The following JPH3 variants were observed in gnomAD, a reference collection of about 807,000 sequenced individuals.
JPH3 encodes junctophilin-3.
A neutral mutation model predicts 59.6 loss-of-function variants in JPH3; 11 were observed. The observed-to-expected ratio is 0.18, with a 90% CI of 0.12 to 0.31. The LOEUF (loss-of-function observed/expected upper bound fraction) is 0.31, where lower values mean the gene tolerates loss of function less well. Among genes scored for constraint, JPH3 ranks in the 10% least tolerant of loss-of-function variants. The pLI is 1.00. For missense variants in JPH3, 1,202 were observed against 1,105.7 expected, an observed-to-expected ratio of 1.09 and a Z score of -1.24; for synonymous variants, 673 against 483.6, an observed-to-expected ratio of 1.39 and a Z score of -5.14.
At chr16:87,649,930 C>G (rs116742216) in intron 2 of JPH3, among the ~76,000 whole-genome samples, 1 of 152,198 alleles carries the variant, frequency 6.6e-6, no homozygotes, top group Non-Finnish European at 1.5e-5. Context: ...TCTGCTGGGA[C>G]CCCCTCTCTG....
At chr16:87,657,307 G>A (rs2032535816) in intron 2 of JPH3, among the ~76,000 whole-genome samples, 1 of 152,236 alleles carries the variant, frequency 6.6e-6, no homozygotes, top group Non-Finnish European at 1.5e-5. Flanking sequence ...AAGGAAGCCT[G>A]TCACAAAAGG....
chr16:87,654,390 C>G (rs1036632241), intron 2 of JPH3: 2 of 152,216 alleles, frequency 1.3e-5, no homozygotes, highest in Admixed American at 1.3e-4. Flanking sequence ...TTCCCTGAAG[C>G]TAGGTCAGCT....
chr16:87,622,452 G>C (rs2031218996), intron 1 of JPH3, among the ~76,000 whole-genome samples: 1 of 151,684 alleles, frequency 6.6e-6, no homozygotes, highest in Non-Finnish European at 1.5e-5. Flanking sequence ...TGACTACCAG[G>C]TGCTGTGGCC....
intron 1 of JPH3, among the ~76,000 whole-genome samples, chr16:87,639,927 G>C (rs1225829071): frequency 2.0e-5 from 3 of 152,228 alleles, no homozygotes; most frequent in African/African-American, 7.2e-5. Flanking sequence ...TTCAGCTCTT[G>C]TTCCCATCTG....
intron 1 of JPH3, among the ~76,000 whole-genome samples, chr16:87,626,283 C>G (rs1017302347): frequency 6.6e-6 from 1 of 152,122 alleles, no homozygotes; most frequent in Non-Finnish European, 1.5e-5. Context: ...GCTTAACTAC[C>G]CCAGGCCGCA....
chr16:87,688,421 CCA>C (rs2033470144), intron 3 of JPH3, among the ~76,000 whole-genome samples: 1 of 152,074 alleles, frequency 6.6e-6, no homozygotes. Flanking sequence ...CTATCTGGTG[CCA>C]CACCGAGGGT....
At chr16:87,621,363 A>G (rs1254601554) in intron 1 of JPH3, among the ~76,000 whole-genome samples, 1 of 152,176 alleles carries the variant, frequency 6.6e-6, no homozygotes, top group African/African-American at 2.4e-5. Flanking sequence ...CGGGACAGGA[A>G]CAGCCCAGAC....
chr16:87,630,519 G>A (rs2031532910), intron 1 of JPH3, among the ~76,000 whole-genome samples: 2 of 152,180 alleles, frequency 1.3e-5, no homozygotes, highest in African/African-American at 2.4e-5. Flanking sequence ...GACAACGTAC[G>A]AGTCCCCTCT....
In JPH3 at chr16:87,689,940, C is replaced by T; in HGVS notation, c.1580C>T (p.Ala527Val). The change falls in exon 4 of 5, where the codon GCC (alanine) becomes GTC (valine). Residue 527 changes from alanine (A) to valine (V), a missense_variant. Ala to Val is a moderately conservative substitution (Grantham distance 64, BLOSUM62 0). Coordinates refer to ENST00000284262, the MANE Select transcript of JPH3 (RefSeq NM_020655.4). ...CTGGAGGGCCGGGCCGGGGACTGCG[C>T]CCGCAGCAGCTGGGGCGAGGAGCAG... Reference protein sequence around the residue: ...MLLEGRAGDCARSSWGEEQAG... With the variant: ...MLLEGRAGDCVRSSWGEEQAG... 1 of 1,449,104 alleles carries T rather than the reference C, an allele frequency of 6.9e-7. No homozygotes were observed. The highest frequency in any genetic ancestry group is 9.1e-7 in the Non-Finnish European group (1 of 1,104,800). The allele number at this position is 1,449,104 out of a possible 1,614,324, so 89.8% of individuals were successfully genotyped here. A position where few individuals can be genotyped will look rare whatever the true frequency, so the allele number is the denominator to read the frequency against.
chr16:87,604,361 G>A lies in JPH3; in HGVS notation c.382+833G>A, dbSNP rs1200110364. On this transcript the variant is annotated intron_variant, in intron 1 of 4. Coordinates refer to ENST00000284262, the MANE Select transcript of JPH3 (RefSeq NM_020655.4). ...GGTTTCTGTGCAGGGAACCTTGGCC[G>A]GCTCTGCAGCTGCCCGCCTGCCTGG... is the stretch of plus-strand genomic sequence containing the variant. The A allele has an allele frequency of 6.9e-6, 10 of 1,444,100 alleles. 1 individual carries two copies. The African/African-American group carries it at 1.0e-4, about 15-fold the overall frequency. 89.5% of individuals were successfully genotyped at this position (1,444,100 alleles called of 1,614,324 possible).
intron 1 of JPH3, among the ~76,000 whole-genome samples, chr16:87,637,086 T>C (rs562252254): frequency 7.3e-4 from 111 of 152,356 alleles, no homozygotes; most frequent in African/African-American, 2.6e-3. Context: ...GCCCCTAGGA[T>C]TTGACCAGCC....
At chr16:87,634,756 C>T (rs887568556) in intron 1 of JPH3, among the ~76,000 whole-genome samples, 2 of 152,232 alleles carry the variant, frequency 1.3e-5, no homozygotes, top group African/African-American at 2.4e-5. Flanking sequence ...GGCTGTGACC[C>T]GCCAGGGTGG....
chr16:87,689,890 G>C lies in JPH3; in HGVS notation c.1530G>C (p.Glu510Asp). 1 of 1,477,840 alleles carries C rather than the reference G, an allele frequency of 6.8e-7. No individual in the cohort carries two copies. Among genetic ancestry groups the C allele is most frequent in the Non-Finnish European group, 9.0e-7 (1 of 1,114,332 alleles). 91.5% of individuals were successfully genotyped at this position (1,477,840 alleles called of 1,614,324 possible). Residue 510 changes from glutamate to aspartate, a missense_variant, in exon 4 of 5, where the codon GAG becomes GAC. Physicochemically the swap from Glu to Asp is conservative, Grantham distance 45. Transcript: ENST00000284262. Reference sequence around the variant, plus strand: ...CGAGGCAGGTGTCGGTGGACGAGGAGCGGGGCGGGGACATCCAGATGCTCC... The same window carrying C: ...CGAGGCAGGTGTCGGTGGACGAGGACCGGGGCGGGGACATCCAGATGCTCC... ...HFSRQVSVDE[E>D]RGGDIQMLLE...
chr16:87,611,491 A>G lies in JPH3; in HGVS notation c.382+7963A>G, dbSNP rs141133955. ...TCATGACATTTTTTTCCTTCTCAACATGTGCCATCTCCCTCCTACCTATGA... is the reference window on the plus strand; with the variant it reads ...TCATGACATTTTTTTCCTTCTCAACGTGTGCCATCTCCCTCCTACCTATGA... On this transcript the variant is annotated intron_variant, in intron 1 of 4. Transcript: ENST00000284262. The surrounding 1 kb of genome is among the most constrained non-coding windows in gnomAD (Gnocchi z 4.5). Among the ~76,000 whole-genome samples the G allele has an allele frequency of 3.9e-3, 591 of 152,080 alleles. 3 individuals carry two copies. The highest frequency in any genetic ancestry group is 0.013 in the African/African-American group (544 of 41,446).
At chr16:87,661,521 A>T (rs1429555657) in intron 2 of JPH3, among the ~76,000 whole-genome samples, 1 of 152,142 alleles carries the variant, frequency 6.6e-6, no homozygotes, top group Non-Finnish European at 1.5e-5. Flanking sequence ...AGGACTGGGG[A>T]GGGGTCGACA....
At chr16:87,662,124 G>T (rs112458868) in intron 2 of JPH3, among the ~76,000 whole-genome samples, 3,606 of 152,262 alleles carry the variant, frequency 0.024, 143 homozygotes, top group African/African-American at 0.083. Context: ...CCTCAAGAGG[G>T]ATCCGTAGGC....
intron 2 of JPH3, among the ~76,000 whole-genome samples, chr16:87,656,192 G>C (rs544894082): frequency 1.3e-5 from 2 of 152,240 alleles, no homozygotes; most frequent in Non-Finnish European, 2.9e-5. Context: ...TGTGTTGCAG[G>C]TGCCGTGACA....
At chr16:87,675,705 A>C (rs1230334414) in intron 2 of JPH3, among the ~76,000 whole-genome samples, 2 of 152,232 alleles carry the variant, frequency 1.3e-5, no homozygotes, top group African/African-American at 4.8e-5. Flanking sequence ...AAGGGACTCC[A>C]CAGTGAAGGT....
chr16:87,687,787 C>T (rs974522247), intron 3 of JPH3, among the ~76,000 whole-genome samples: 4 of 152,306 alleles, frequency 2.6e-5, no homozygotes, highest in African/African-American at 9.6e-5. Flanking sequence ...CCTGGGCCAG[C>T]CAGGCCTGAT....
Sources: allele counts gnomAD v4.1 joint callset (sites outside exome capture counted in the v4.1 genomes callset), GRCh38; gene constraint gnomAD v4.1.1; non-coding constraint Gnocchi (gnomAD v3.1); transcripts MANE v1.5; gene names NCBI Gene and HGNC (gene_info 2026-07-23, HGNC 2026-07-21).